Variants in WDR70 observed in about 807,000 individuals in gnomAD.
The protein encoded by WDR70 is WD repeat domain 70.
A neutral mutation model predicts 88.6 loss-of-function variants in WDR70; 53 were observed. That is an observed-to-expected ratio of 0.60 (90% confidence interval 0.48 to 0.75). WDR70 has a LOEUF of 0.75. WDR70 is among the 30% of genes least tolerant of loss of function. The probability of loss-of-function intolerance (pLI) is 0.00; values close to 1 mark genes in which losing one functional copy is unlikely to be tolerated. For missense variants in WDR70, 610 were observed against 823.2 expected (o/e 0.74, Z 3.17); for synonymous variants, 280 against 270.0 (o/e 1.04, Z -0.36).
Position 37,506,724 on chromosome 5 carries a change from T to C in WDR70, c.841-9790T>C, listed in dbSNP as rs535577866. The C allele has an allele frequency of 6.8e-6, 6 of 888,060 alleles. No individual in the cohort carries two copies. In the East Asian group the frequency reaches 1.4e-4, roughly 21 times the overall value. 55.0% of individuals were successfully genotyped at this position (888,060 alleles called of 1,614,324 possible). A position where few individuals can be genotyped will look rare whatever the true frequency, so the allele number is the denominator to read the frequency against. On this transcript the variant is annotated intron_variant, in intron 8 of 17. Coordinates refer to ENST00000265107, the MANE Select transcript of WDR70 (RefSeq NM_018034.4). ...AATATCATCAGTCAGTCCACCTTTC[T>C]CATTATACACACTGGTGGCTTTTAT... is the stretch of plus-strand genomic sequence containing the variant.
chr5:37,601,267 A>G, intron 9 of WDR70, among the ~76,000 whole-genome samples: 1 of 152,208 alleles, frequency 6.6e-6, no homozygotes, highest in East Asian at 1.9e-4. Context: ...CTTTTTCTGC[A>G]TCTATTGAGA....
At chr5:37,656,542 C>T (rs984897885) in intron 10 of WDR70, among the ~76,000 whole-genome samples, 1 of 152,212 alleles carries the variant, frequency 6.6e-6, no homozygotes, top group African/African-American at 2.4e-5. Context: ...AAGCTGCGCC[C>T]ACAGCTGCCT....
intron 7 of WDR70, among the ~76,000 whole-genome samples, chr5:37,473,873 G>A (rs7703638): frequency 0.86 from 130,097 of 152,134 alleles, 59,239 homozygotes; most frequent in East Asian, 1. Flanking sequence ...GTTCATGAGA[G>A]ATAGATATAG....
At chr5:37,432,302 A>G (rs1750330488) in intron 5 of WDR70, among the ~76,000 whole-genome samples, 1 of 151,978 alleles carries the variant, frequency 6.6e-6, no homozygotes, top group Non-Finnish European at 1.5e-5. Flanking sequence ...CATTTCCTTA[A>G]TTATTAGTGA....
intron 7 of WDR70, among the ~76,000 whole-genome samples, chr5:37,469,372 G>A (rs1357532533): frequency 1.3e-5 from 2 of 152,180 alleles, no homozygotes; most frequent in South Asian, 4.1e-4. Context: ...CTCCTACACT[G>A]TGTTTTGGAC....
intron 17 of WDR70, among the ~76,000 whole-genome samples, chr5:37,740,202 A>G (rs1581540096): frequency 1.3e-5 from 2 of 152,354 alleles, no homozygotes; most frequent in African/African-American, 4.8e-5. Context: ...TTGCCTAATC[A>G]TCTGTTCCTC....
intron 9 of WDR70, among the ~76,000 whole-genome samples, chr5:37,550,809 T>TCTTCCTTC (rs141393030): frequency 6.6e-6 from 1 of 151,966 alleles, no homozygotes; most frequent in Non-Finnish European, 1.5e-5. Context: ...TTTGGTCTTC[T>TCTTCCTTC]CTTCCTTCCT....
rs142228139 is a variant in WDR70 at position 37,723,074 on chromosome 5, C to T, written c.1597+140C>T. On this transcript the variant is annotated intron_variant, in intron 15 of 17. Transcript: ENST00000265107. ...TTGCCCATTCATGTGGATAGGACTA[C>T]GAGTCATGTAACAGCTAACCTCTGT... 239 of 912,296 alleles carry T rather than the reference C, an allele frequency of 2.6e-4. 2 individuals are homozygous for T. The African/African-American group carries it at 3.1e-3, about 12-fold the overall frequency. The allele number at this position is 912,296 out of a possible 1,614,324, so 56.5% of individuals were successfully genotyped here. A position where few individuals can be genotyped will look rare whatever the true frequency, so the allele number is the denominator to read the frequency against.
At chr5:37,468,932 G>C (rs1054117873) in intron 7 of WDR70, among the ~76,000 whole-genome samples, 1 of 152,170 alleles carries the variant, frequency 6.6e-6, no homozygotes, top group Non-Finnish European at 1.5e-5. Flanking sequence ...TCAGGGACTT[G>C]AGTATCCTTT....
chr5:37,540,792 A>T (rs56264101), intron 9 of WDR70, among the ~76,000 whole-genome samples: 90,620 of 152,022 alleles, frequency 0.6, 28,360 homozygotes, highest in Non-Finnish European at 0.69. Context: ...CAGTTTCTGC[A>T]GTCTAGAACT....
At chr5:37,630,941 G>A (rs1456039664) in intron 10 of WDR70, among the ~76,000 whole-genome samples, 4 of 152,172 alleles carry the variant, frequency 2.6e-5, no homozygotes, top group Non-Finnish European at 4.4e-5. Context: ...CTGAGAGCTT[G>A]TAAGGACCAT....
intron 16 of WDR70, 49 bp from the exon 17 acceptor site, chr5:37,726,834 T>A (rs1581530225): frequency 6.5e-7 from 1 of 1,543,022 alleles, no homozygotes; most frequent in African/African-American, 1.4e-5. Flanking sequence ...TACCTATGTA[T>A]CCTCATGCTC....
At chr5:37,750,494 A>G (rs1464984161) in intron 17 of WDR70, among the ~76,000 whole-genome samples, 1 of 152,176 alleles carries the variant, frequency 6.6e-6, no homozygotes, top group Non-Finnish European at 1.5e-5. Flanking sequence ...TGATTGTGCC[A>G]CTGCACTCTA....
intron 9 of WDR70, among the ~76,000 whole-genome samples, chr5:37,521,483 C>T (rs1741083956): frequency 6.6e-6 from 1 of 152,074 alleles, no homozygotes; most frequent in Non-Finnish European, 1.5e-5. Flanking sequence ...TTTTATCTCT[C>T]ACCACTCGCC....
intron 5 of WDR70, among the ~76,000 whole-genome samples, chr5:37,400,548 G>A (rs900125044): frequency 6.6e-6 from 1 of 152,166 alleles, no homozygotes; most frequent in Non-Finnish European, 1.5e-5. Context: ...TCTCCCACGG[G>A]AAAGGAAGAA....
intron 9 of WDR70, among the ~76,000 whole-genome samples, chr5:37,557,940 A>AAAC (rs1341249679): frequency 3.4e-4 from 52 of 151,526 alleles, no homozygotes; most frequent in African/African-American, 4.1e-4. Context: ...ACTCTTTTGA[A>AAAC]TACTCTTCAA....
At chr5:37,463,707 C>A (rs56008521) in intron 7 of WDR70, among the ~76,000 whole-genome samples, 6 of 152,252 alleles carry the variant, frequency 3.9e-5, no homozygotes, top group Non-Finnish European at 7.4e-5. Context: ...TCTCTTTGAT[C>A]GGAATCTTCG....
At chr5:37,451,950 C>T (rs542471721) in intron 7 of WDR70, among the ~76,000 whole-genome samples, 16 of 152,116 alleles carry the variant, frequency 1.1e-4, no homozygotes, top group South Asian at 6.2e-4. Flanking sequence ...GCTCAGATGG[C>T]GCCACTACAC....
intron 17 of WDR70, among the ~76,000 whole-genome samples, chr5:37,729,552 A>G (rs372438922): frequency 9.2e-5 from 14 of 152,312 alleles, no homozygotes; most frequent in African/African-American, 3.4e-4. Context: ...TCTGGCATAT[A>G]CATTAACTAG....
Sources: gnomAD v4.1 joint callset for allele counts (sites outside exome capture counted in the v4.1 genomes callset) on GRCh38, gnomAD v4.1.1 for gene constraint, MANE v1.5 for transcripts, NCBI Gene and HGNC (gene_info 2026-07-23, HGNC 2026-07-21) for gene names.